CNTD1: variants seen among roughly 807,000 people sequenced by gnomAD.
CNTD1 encodes the protein cyclin N-terminal domain-containing protein 1.
Under a neutral mutation model 36.3 loss-of-function variants are expected in CNTD1, and 17 were observed. The ratio of observed to expected loss-of-function variants is 0.47; its 90% CI spans 0.32 to 0.70. The LOEUF is 0.70. CNTD1 is among the 30% of genes least tolerant of loss of function. The pLI is 0.03. For missense variants in CNTD1, 338 were observed against 386.1 expected, an observed-to-expected ratio of 0.88 and a Z score of 1.04; for synonymous variants, 128 against 153.3, an observed-to-expected ratio of 0.83 and a Z score of 1.22.
At chr17:42,801,811 TGTTCAGGGAATTGGAGTAA>T (rs2054801247) in intron 1 of CNTD1, among the ~76,000 whole-genome samples, 1 of 151,914 alleles carries the variant, frequency 6.6e-6, no homozygotes, top group Non-Finnish European at 1.5e-5. Context: ...AAACACTTTG[TGTTCAGGGAATTGGAGTAA>T]GAAGACTTGT....
At chr17:42,806,411 C>T (rs1383969678) in intron 4 of CNTD1, among the ~76,000 whole-genome samples, 1 of 152,042 alleles carries the variant, frequency 6.6e-6, no homozygotes, top group East Asian at 1.9e-4. Flanking sequence ...ACTCTTATTG[C>T]AGGATCAAAG....
intron 1 of CNTD1, among the ~76,000 whole-genome samples, chr17:42,801,508 AAAATATATATATATATATATAT>A (rs2054785978): frequency 2.0e-5 from 1 of 50,978 alleles, no homozygotes; most frequent in African/African-American, 1.5e-4. Context: ...AAAAAAAAAA[AAAATATATATATATATATATAT>A]ATATATATAT....
chr17:42,806,748 C>T lies in CNTD1; in HGVS notation c.655C>T (p.Leu219=). The T allele has an allele frequency of 6.2e-7, 1 of 1,614,122 alleles. No individual in the cohort carries two copies. Among genetic ancestry groups the T allele is most frequent in the Non-Finnish European group, 8.5e-7 (1 of 1,180,002 alleles). Residue 219 remains leucine, a synonymous_variant, in exon 5 of 7, where the codon CTG becomes TTG. Transcript: ENST00000588408. The part of the protein sequence containing the change: ...CLTLLDLVYL[L]HEPIYESLLR... Reference sequence around the variant, plus strand: ...GACACTGCTCGACCTGGTCTATCTTCTGCATGAACCCATATATGAGAGCCT... The same window carrying T: ...GACACTGCTCGACCTGGTCTATCTTTTGCATGAACCCATATATGAGAGCCT...
chr17:42,799,861 C>G (rs2054745838), intron 1 of CNTD1, among the ~76,000 whole-genome samples: 1 of 145,926 alleles, frequency 6.9e-6, no homozygotes, highest in Non-Finnish European at 1.5e-5. Context: ...GTCAGGAGAT[C>G]GAGACCATCC....
chr17:42,801,026 A>G (rs2054771340), intron 1 of CNTD1, among the ~76,000 whole-genome samples: 1 of 152,070 alleles, frequency 6.6e-6, no homozygotes, highest in Non-Finnish European at 1.5e-5. Flanking sequence ...CTCTATTAAA[A>G]ACACAAAAAT....
intron 1 of CNTD1, among the ~76,000 whole-genome samples, chr17:42,801,546 T>A (rs1448569208): frequency 9.6e-4 from 40 of 41,834 alleles, no homozygotes; most frequent in East Asian, 1.4e-3. Context: ...TATATATATA[T>A]AATATATGTG....
intron 1 of CNTD1, among the ~76,000 whole-genome samples, chr17:42,801,508 AAAATATATATATATAT>A (rs1326913563): frequency 1.4e-4 from 7 of 50,978 alleles, no homozygotes; most frequent in African/African-American, 9.2e-4. Flanking sequence ...AAAAAAAAAA[AAAATATATATATATAT>A]ATATATATAT....
Position 42,804,212 on chromosome 17 carries a change from C to G in CNTD1, c.246-13C>G. 6.2e-7 allele frequency: 1 copy of G among 1,607,742 alleles called. No individual in the cohort carries two copies. Among genetic ancestry groups the G allele is most frequent in the Non-Finnish European group, 8.5e-7 (1 of 1,176,488 alleles). ...TGAGTGAGGATTGTTTACTCTCCCT[C>G]CCTTCCCTACAGGTTTATGGTAAAA... On this transcript the variant is annotated splice_polypyrimidine_tract_variant and intron_variant, in intron 2 of 6. Coordinates refer to ENST00000588408, the MANE Select transcript of CNTD1 (RefSeq NM_173478.3).
In CNTD1 at chr17:42,802,184, T is replaced by C. The variant is rs1446291515; in HGVS notation, c.170-1436T>C. Among the ~76,000 whole-genome samples, 7 of 152,168 alleles carry C rather than the reference T, an allele frequency of 4.6e-5. No individual in the cohort carries two copies. In the East Asian group the frequency reaches 1.3e-3, roughly 29 times the overall value. Reference sequence around the variant, plus strand: ...GAGTTTGAGACCAGCCTGGGCAACATAGGACAATCCCGTCTATTTATTATT... The same window carrying C: ...GAGTTTGAGACCAGCCTGGGCAACACAGGACAATCCCGTCTATTTATTATT... On this transcript the variant is annotated intron_variant, in intron 1 of 6. Coordinates refer to ENST00000588408, the MANE Select transcript of CNTD1 (RefSeq NM_173478.3).
Position 42,810,727 on chromosome 17 carries a change from C to A in CNTD1, c.*1192C>A. 1 of 1,563,748 alleles carries A rather than the reference C, an allele frequency of 6.4e-7. No homozygotes were observed. Among genetic ancestry groups the A allele is most frequent in the Non-Finnish European group, 8.7e-7 (1 of 1,154,986 alleles). ...TTTGCAAACAAAACAAAATTAAAAGCCTTTAAGGCAAACCTCCCCCTAAGG... is the reference window on the plus strand; with the variant it reads ...TTTGCAAACAAAACAAAATTAAAAGACTTTAAGGCAAACCTCCCCCTAAGG... On this transcript the variant is annotated 3_prime_UTR_variant, in exon 7 of 7. Coordinates refer to ENST00000588408, the MANE Select transcript of CNTD1 (RefSeq NM_173478.3).
At position 42,805,823 on chromosome 17, in the gene CNTD1, G is replaced by A; in HGVS notation, c.519G>A (p.Leu173=). Residue 173 remains leucine (L), a synonymous_variant, in exon 4 of 7, where the codon TTG becomes TTA. Transcript: ENST00000588408. ...CAGAGCTTGATGTTTTGAAGTCCTT[G>A]AACTTCCGAATTAATCTGCCCACTC... ...LESELDVLKS[L]NFRINLPTPL... is the part of the protein sequence containing the mutation. 4.3e-6 allele frequency: 7 copies of A among 1,614,104 alleles called. No homozygotes were observed. The highest frequency in any genetic ancestry group is 4.2e-6 in the Non-Finnish European group (5 of 1,179,980).
intron 1 of CNTD1, among the ~76,000 whole-genome samples, chr17:42,799,871 C>T (rs1325495126): frequency 6.7e-6 from 1 of 150,128 alleles, no homozygotes; most frequent in Admixed American, 6.6e-5. Context: ...CGAGACCATC[C>T]TGGCTAACAT....
Position 42,799,048 on chromosome 17 carries a change from G to A in CNTD1, c.-20G>A, listed in dbSNP as rs1300306218. ...GTGGATCCAGTGAACCCGTCCAGGT[G>A]CCCCAAGAGGCTCGTGAATATGGAC... On this transcript the variant is annotated 5_prime_UTR_variant, in exon 1 of 7. Transcript: ENST00000588408. The A allele has an allele frequency of 9.3e-6, 15 of 1,612,658 alleles. No homozygotes were observed. The highest frequency in any genetic ancestry group is 1.3e-5 in the Non-Finnish European group (15 of 1,179,408).
chr17:42,810,496 AG>A lies in CNTD1; in HGVS notation c.*962del, dbSNP rs1328223343. The A allele has an allele frequency of 3.3e-5, 9 of 276,072 alleles. No individual in the cohort carries two copies. The highest frequency in any genetic ancestry group is 6.6e-5 in the African/African-American group (3 of 45,770). The allele number at this position is 276,072 out of a possible 1,614,324, so 17.1% of individuals were successfully genotyped here. On this transcript the variant is annotated 3_prime_UTR_variant, in exon 7 of 7. Transcript: ENST00000588408. Reference sequence around the variant, plus strand: ...AAAAAAAGAAAAGCAAATTTAAATTAGTTTTTTTCAGAGAAGAAAGGGAAAG... The same window carrying A: ...AAAAAAAGAAAAGCAAATTTAAATTATTTTTTTCAGAGAAGAAAGGGAAAG...
chr17:42,806,959 C>A, intron 5 of CNTD1, 141 bp downstream of exon 5: 2 of 695,592 alleles, frequency 2.9e-6, no homozygotes, highest in Non-Finnish European at 4.7e-6. Flanking sequence ...TCATTAGTTC[C>A]AATATGTTGT....
chr17:42,811,441 A>G lies in CNTD1; in HGVS notation c.*1906A>G. The G allele has an allele frequency of 2.0e-6, 1 of 496,472 alleles. No homozygotes were observed. The highest frequency in any genetic ancestry group is 3.3e-6 in the Non-Finnish European group (1 of 298,604). The allele number at this position is 496,472 out of a possible 1,614,324, so 30.8% of individuals were successfully genotyped here. A position where few individuals can be genotyped will look rare whatever the true frequency, so the allele number is the denominator to read the frequency against. ...CTATGCCAAGAAAACCCCCTAAACC[A>G]TCTAAGGCAACATTCTTCTACTCCA... On this transcript the variant is annotated 3_prime_UTR_variant, in exon 7 of 7. Transcript: ENST00000588408.
At chr17:42,809,012 T>TGC (rs1353232176) in intron 6 of CNTD1, among the ~76,000 whole-genome samples, 1 of 152,178 alleles carries the variant, frequency 6.6e-6, no homozygotes, top group Non-Finnish European at 1.5e-5. Context: ...ATCACACCAC[T>TGC]GCATTGCAGC....
In CNTD1 at chr17:42,810,678, TACCCG is replaced by T; in HGVS notation, c.*1145_*1149del. 1 of 1,433,510 alleles carries T rather than the reference TACCCG, an allele frequency of 7.0e-7. No homozygotes were observed. The highest frequency in any genetic ancestry group is 2.3e-5 in the East Asian group (1 of 43,228). The allele number at this position is 1,433,510 out of a possible 1,614,324, so 88.8% of individuals were successfully genotyped here. A position where few individuals can be genotyped will look rare whatever the true frequency, so the allele number is the denominator to read the frequency against. ...ATTGTAAACATGTACTGTTTAATAT[TACCCG>T]AATTTAATTTAAAACATGTTTGCAA... is the stretch of plus-strand genomic sequence containing the variant. On this transcript the variant is annotated 3_prime_UTR_variant, in exon 7 of 7. Coordinates refer to ENST00000588408, the MANE Select transcript of CNTD1 (RefSeq NM_173478.3).
Position 42,807,776 on chromosome 17 carries a change from T to C in CNTD1, c.734T>C (p.Phe245Ser), listed in dbSNP as rs765443919. 1.8e-5 allele frequency: 29 copies of C among 1,612,854 alleles called. No individual in the cohort carries two copies. The South Asian group carries it at 3.0e-4, about 16-fold the overall frequency. Residue 245 changes from phenylalanine to serine, a missense_variant, in exon 6 of 7, where the codon TTT (phenylalanine) becomes TCT (serine). Phe to Ser is a radical substitution (Grantham distance 155). Transcript: ENST00000588408. Reference sequence around the variant, plus strand: ...TGGTTTTAATCACTCAGGGAAAAGTTTACTTCAGTGAAGGAAGACTTCATG... The same window carrying C: ...TGGTTTTAATCACTCAGGGAAAAGTCTACTTCAGTGAAGGAAGACTTCATG... ...STPSQLQGEKFTSVKEDFMLL... is the reference protein window; with the variant it reads ...STPSQLQGEKSTSVKEDFMLL...
Sources: allele counts gnomAD v4.1 joint callset (sites outside exome capture counted in the v4.1 genomes callset), GRCh38; gene constraint gnomAD v4.1.1; transcripts MANE v1.5; gene names NCBI Gene and HGNC (gene_info 2026-07-23, HGNC 2026-07-21).